The following LRRC37A variants were observed in gnomAD, a reference collection of about 807,000 sequenced individuals.
The protein encoded by LRRC37A is leucine-rich repeat-containing protein 37A.
In LRRC37A, 3 loss-of-function variants were observed where a neutral mutation model predicts 35.4. The observed-to-expected ratio is 0.08, with a 90% CI of 0.04 to 0.22. The LOEUF is 0.22. LRRC37A is among the 10% of genes least tolerant of loss of function. The pLI is 1.00. For synonymous variants in LRRC37A, 23 were observed against 215.0 expected, an observed-to-expected ratio of 0.11 and a Z score of 7.81; for missense variants, 67 against 565.3, an observed-to-expected ratio of 0.12 and a Z score of 8.94.
chr17:46,249,557 T>C, the LRRC37A span, among the ~76,000 whole-genome samples: 14 of 152,186 alleles, frequency 9.2e-5, no homozygotes, highest in African/African-American at 3.1e-4. Context: ...CTTCTTAGAC[T>C]CCTTGACCAA....
At chr17:46,288,699 G>GTT (rs1567856367), upstream of LRRC37A, among the ~76,000 whole-genome samples, 1 of 130,660 alleles carries the variant, frequency 7.7e-6, no homozygotes, top group Non-Finnish European at 1.8e-5. Context: ...ACTGCATCTT[G>GTT]TTTTTTCTTT....
the LRRC37A span, among the ~76,000 whole-genome samples, chr17:46,262,138 C>T: frequency 4.6e-5 from 7 of 152,256 alleles, no homozygotes; most frequent in South Asian, 4.1e-4. Flanking sequence ...TCAGTAGAGA[C>T]GGGGTTTCAT....
the LRRC37A span, among the ~76,000 whole-genome samples, chr17:46,254,217 A>G: frequency 6.6e-6 from 1 of 151,962 alleles, no homozygotes; most frequent in African/African-American, 2.4e-5. Context: ...AGGAGAGGAG[A>G]TGGGAGTGGC....
At chr17:46,274,747 T>G in the LRRC37A span, 7 of 152,726 alleles carry the variant, frequency 4.6e-5, no homozygotes. Context: ...GAGTTATACT[T>G]GACCCCACAG....
At chr17:46,258,488 C>A in the LRRC37A span, among the ~76,000 whole-genome samples, 7 of 152,150 alleles carry the variant, frequency 4.6e-5, no homozygotes, top group African/African-American at 1.4e-4. Flanking sequence ...GGATTACAGG[C>A]GTGAGCCACC....
At chr17:46,249,788 G>A in the LRRC37A span, among the ~76,000 whole-genome samples, 1 of 152,208 alleles carries the variant, frequency 6.6e-6, no homozygotes, top group Non-Finnish European at 1.5e-5. Context: ...CCAGATGGCT[G>A]TCACTGCAGT....
At chr17:46,290,365 A>G (rs917702379), upstream of LRRC37A, among the ~76,000 whole-genome samples, 4 of 152,060 alleles carry the variant, frequency 2.6e-5, no homozygotes, top group Non-Finnish European at 5.9e-5. Context: ...GCCTCAAGTG[A>G]TCCACCCACC....
chr17:46,257,106 G>C, the LRRC37A span, among the ~76,000 whole-genome samples: 1 of 152,072 alleles, frequency 6.6e-6, no homozygotes, highest in African/African-American at 2.4e-5. Flanking sequence ...TTACTCATCT[G>C]TAAAACAGGG....
At chr17:46,279,142 C>T in the LRRC37A span, among the ~76,000 whole-genome samples, 26 of 151,618 alleles carry the variant, frequency 1.7e-4, no homozygotes, top group African/African-American at 6.3e-4. Context: ...ATATTTTTCT[C>T]TATACCACCT....
the LRRC37A span, among the ~76,000 whole-genome samples, chr17:46,248,128 A>G: frequency 6.6e-6 from 1 of 151,952 alleles, no homozygotes; most frequent in Non-Finnish European, 1.5e-5. Flanking sequence ...ACTTAAGAAC[A>G]TTCTCATGAT....
At chr17:46,254,220 G>T in the LRRC37A span, among the ~76,000 whole-genome samples, 14,932 of 142,684 alleles carry the variant, frequency 0.1, no homozygotes, top group Middle Eastern at 0.18. Flanking sequence ...AGAGGAGATG[G>T]GAGTGGCTCC....
At position 46,334,867 on chromosome 17, in the gene LRRC37A, A is replaced by C. The variant is rs537660346; in HGVS notation, c.4810-678A>C. The C allele has an allele frequency of 2.9e-5, 4 of 137,892 alleles. No homozygotes were observed. In the East Asian group the frequency reaches 8.5e-4, roughly 29 times the overall value. 8.5% of individuals were successfully genotyped at this position (137,892 alleles called of 1,614,324 possible). ...ATATTTGAAGAAAAAAAAACCAATA[A>C]AAATACAAACAGAAAGTACAATATA... On this transcript the variant is annotated intron_variant, in intron 10 of 13. Coordinates refer to ENST00000320254, the Ensembl canonical transcript of LRRC37A.
chr17:46,264,924 T>G, the LRRC37A span, among the ~76,000 whole-genome samples: 1 of 152,260 alleles, frequency 6.6e-6, no homozygotes, highest in Non-Finnish European at 1.5e-5. Flanking sequence ...AACTGAGAAA[T>G]CTTAAGCCTA....
the LRRC37A span, among the ~76,000 whole-genome samples, chr17:46,281,100 TTGTC>T: frequency 6.6e-6 from 1 of 152,112 alleles, no homozygotes; most frequent in East Asian, 1.9e-4. Flanking sequence ...GTTTTATAGA[TTGTC>T]TGTTTTATCT....
chr17:46,267,368 T>A, the LRRC37A span: 1 of 1,589,136 alleles, frequency 6.3e-7, no homozygotes, highest in Admixed American at 1.8e-5. Context: ...GGCGCGGGCA[T>A]CTGGCTGGTG....
At chr17:46,272,565 C>T in the LRRC37A span, among the ~76,000 whole-genome samples, 2 of 152,146 alleles carry the variant, frequency 1.3e-5, no homozygotes, top group East Asian at 1.9e-4. Context: ...CAGGTGCCTG[C>T]CACCATGCCT....
At chr17:46,267,001 C>A in the LRRC37A span, 1 of 164,420 alleles carries the variant, frequency 6.1e-6, no homozygotes, top group South Asian at 1.7e-4. Flanking sequence ...TTGTGCCGGC[C>A]CCCGGCTCGC....
the LRRC37A span, among the ~76,000 whole-genome samples, chr17:46,258,500 C>T: frequency 2.0e-5 from 3 of 152,104 alleles, no homozygotes; most frequent in Non-Finnish European, 2.9e-5. Context: ...TGAGCCACCA[C>T]GCCTGGCCGA....
At chr17:46,291,351 T>C (rs1236307464), upstream of LRRC37A, among the ~76,000 whole-genome samples, 2 of 151,852 alleles carry the variant, frequency 1.3e-5, no homozygotes, top group African/African-American at 4.8e-5. Flanking sequence ...ACAATCTCAA[T>C]GGAACAGACA....
Sources: allele counts gnomAD v4.1 joint callset (sites outside exome capture counted in the v4.1 genomes callset), GRCh38; gene constraint gnomAD v4.1.1; transcripts MANE v1.5; gene names NCBI Gene and HGNC (gene_info 2026-07-23, HGNC 2026-07-21).